TCF12: variants seen among roughly 807,000 people sequenced by gnomAD.
TCF12 encodes the protein transcription factor 12, also known as DNA-binding protein HTF4.
TCF12 carries 45 observed loss-of-function variants against 86.0 expected under a neutral mutation model. The ratio of observed to expected loss-of-function variants is 0.52; its 90% CI spans 0.41 to 0.67. TCF12 has a LOEUF of 0.67. Among genes scored for constraint, TCF12 ranks in the 30% least tolerant of loss-of-function variants. TCF12 has a pLI of 0.00. For synonymous variants in TCF12, 330 were observed against 299.6 expected (o/e 1.10, Z -1.05); for missense variants, 881 against 859.9 (o/e 1.02, Z -0.31).
At chr15:57,014,620 TTCTC>T (rs2065037511) in intron 3 of TCF12, among the ~76,000 whole-genome samples, 1 of 152,120 alleles carries the variant, frequency 6.6e-6, no homozygotes, top group Admixed American at 6.5e-5. Flanking sequence ...TTCTTTTTCT[TTCTC>T]TCAGAGGTTG....
chr15:57,243,956 G>A (rs2059741559), intron 13 of TCF12, among the ~76,000 whole-genome samples: 1 of 152,064 alleles, frequency 6.6e-6, no homozygotes, highest in Admixed American at 6.6e-5. Context: ...TTGGCCCACT[G>A]CAGCCTCCAA....
chr15:57,072,151 A>G (rs989730662), intron 4 of TCF12, among the ~76,000 whole-genome samples: 3 of 152,208 alleles, frequency 2.0e-5, no homozygotes, highest in Admixed American at 6.5e-5. Context: ...ATGAAATAAG[A>G]CTTGGATTGG....
chr15:57,167,096 C>G (rs551966519), intron 6 of TCF12, among the ~76,000 whole-genome samples: 3 of 152,274 alleles, frequency 2.0e-5, no homozygotes, highest in African/African-American at 7.2e-5. Flanking sequence ...TTGTTTTCTG[C>G]CATCTGCATG....
chr15:56,987,956 A>G (rs1214406217), intron 3 of TCF12, among the ~76,000 whole-genome samples: 2 of 152,314 alleles, frequency 1.3e-5, no homozygotes, highest in East Asian at 1.9e-4. Flanking sequence ...GTGTAAACCT[A>G]TTTACCAAGT....
chr15:57,205,609 G>A (rs1019488458), intron 8 of TCF12, among the ~76,000 whole-genome samples: 2 of 152,196 alleles, frequency 1.3e-5, no homozygotes, highest in African/African-American at 2.4e-5. Context: ...GACCTTACAG[G>A]TCAGACTAGC....
chr15:57,132,497 C>T lies in TCF12; in HGVS notation c.326-33905C>T, dbSNP rs557556785. Among the ~76,000 whole-genome samples the T allele has an allele frequency of 8.5e-5, 13 of 152,252 alleles. No homozygotes were observed. The East Asian group carries it at 1.5e-3, about 18-fold the overall frequency. ...CAAAGGGTCAATTCAGATTCAGCTA[C>T]GTGTGTTACACTGGTTTCCACATGA... On this transcript the variant is annotated intron_variant, in intron 5 of 20. Transcript: ENST00000333725.
At chr15:57,060,820 G>C (rs984168050) in intron 3 of TCF12, among the ~76,000 whole-genome samples, 1 of 151,970 alleles carries the variant, frequency 6.6e-6, no homozygotes, top group Non-Finnish European at 1.5e-5. Flanking sequence ...TCCTTTTTCT[G>C]CTTACCTTGG....
chr15:57,114,642 G>A (rs1330234510), intron 5 of TCF12, among the ~76,000 whole-genome samples: 1 of 152,086 alleles, frequency 6.6e-6, no homozygotes, highest in Admixed American at 6.6e-5. Context: ...GGAGGTAGTA[G>A]CGGGACAGGT....
chr15:57,235,490 C>G (rs1368232365), intron 12 of TCF12, among the ~76,000 whole-genome samples: 2 of 152,150 alleles, frequency 1.3e-5, no homozygotes. Context: ...CTGCATACAT[C>G]CAGAAAGTGC....
chr15:56,964,623 CTTGA>C (rs1348138517), intron 3 of TCF12, among the ~76,000 whole-genome samples: 1 of 152,194 alleles, frequency 6.6e-6, no homozygotes, highest in Non-Finnish European at 1.5e-5. Context: ...TTCTCTAACT[CTTGA>C]TTAACATTTA....
intron 3 of TCF12, among the ~76,000 whole-genome samples, chr15:56,977,171 G>T (rs894782256): frequency 1.2e-4 from 19 of 152,162 alleles, no homozygotes; most frequent in Non-Finnish European, 2.1e-4. Flanking sequence ...GAGGACAGAA[G>T]TTCAAAATCA....
intron 3 of TCF12, among the ~76,000 whole-genome samples, chr15:56,933,651 G>C (rs981147056): frequency 5.1e-4 from 78 of 152,100 alleles, no homozygotes; most frequent in African/African-American, 1.7e-3. Flanking sequence ...GTGATAATGA[G>C]CAGATTAAAA....
intron 16 of TCF12, among the ~76,000 whole-genome samples, chr15:57,258,684 A>G (rs1833482554): frequency 6.6e-6 from 1 of 152,190 alleles, no homozygotes; most frequent in South Asian, 2.1e-4. Flanking sequence ...GGGTGGTTGA[A>G]GAAGTGACAT....
chr15:57,221,383 G>GGGTGTGT (rs1555399492), intron 8 of TCF12, among the ~76,000 whole-genome samples: 18 of 148,742 alleles, frequency 1.2e-4, no homozygotes, highest in African/African-American at 4.5e-4. Flanking sequence ...ATGTGTGTGG[G>GGGTGTGT]GTGTGTGTGT....
chr15:56,933,167 TGTTTA>T (rs2060320892), intron 3 of TCF12, among the ~76,000 whole-genome samples: 1 of 152,186 alleles, frequency 6.6e-6, no homozygotes, highest in Admixed American at 6.5e-5. Flanking sequence ...AAAGATTTAG[TGTTTA>T]GTTATAAAAA....
intron 18 of TCF12, among the ~76,000 whole-genome samples, chr15:57,270,352 C>G (rs1472773147): frequency 1.3e-5 from 2 of 152,162 alleles, no homozygotes; most frequent in Admixed American, 6.5e-5. Flanking sequence ...ATCGCATCAG[C>G]TATTGAAGCT....
At chr15:57,192,554 A>G (rs1179661663) in intron 7 of TCF12, among the ~76,000 whole-genome samples, 1 of 151,924 alleles carries the variant, frequency 6.6e-6, no homozygotes, top group Non-Finnish European at 1.5e-5. Flanking sequence ...GTGCCTGGCT[A>G]GTTTTTTATT....
At chr15:56,966,164 T>C (rs575881178) in intron 3 of TCF12, among the ~76,000 whole-genome samples, 23 of 152,344 alleles carry the variant, frequency 1.5e-4, no homozygotes, top group African/African-American at 5.5e-4. Context: ...TAACTATAGT[T>C]ATTTCTTAAT....
intron 3 of TCF12, among the ~76,000 whole-genome samples, chr15:57,019,419 A>G (rs938248152): frequency 3.9e-5 from 6 of 152,186 alleles, no homozygotes; most frequent in Non-Finnish European, 7.3e-5. Flanking sequence ...AGTTTAATGC[A>G]GGGCTGGCCA....
Sources: allele counts gnomAD v4.1 joint callset (sites outside exome capture counted in the v4.1 genomes callset), GRCh38; gene constraint gnomAD v4.1.1; transcripts MANE v1.5; gene names NCBI Gene and HGNC (gene_info 2026-07-23, HGNC 2026-07-21).